GSE1: variants seen among roughly 807,000 people sequenced by gnomAD.
GSE1 encodes Gse1 coiled-coil protein, also known as genetic suppressor element 1.
In GSE1, 32 loss-of-function variants were observed where a neutral mutation model predicts 112.6. The ratio of observed to expected loss-of-function variants is 0.28; its 90% CI spans 0.21 to 0.38. The LOEUF (loss-of-function observed/expected upper bound fraction) is 0.38. Ranked by LOEUF, GSE1 falls within the 10% of genes least tolerant of loss-of-function variation. GSE1 has a pLI of 1.00. For missense variants in GSE1, 2,348 were observed against 1,699.2 expected (o/e 1.38, Z -6.71); for synonymous variants, 1,115 against 735.6 (o/e 1.52, Z -8.35).
chr16:85,264,645 A>G (rs1346336868), intron 1 of GSE1, among the ~76,000 whole-genome samples: 2 of 152,076 alleles, frequency 1.3e-5, no homozygotes, highest in Non-Finnish European at 2.9e-5. Context: ...CCCCCTGTGG[A>G]CGGCGTCGGG....
At position 85,424,747 on chromosome 16, in the gene GSE1, C is replaced by G. The variant is rs567229725; in HGVS notation, c.2464+67104C>G. On this transcript the variant is annotated intron_variant, in intron 2 of 2. Coordinates refer to the GSE1 transcript ENST00000637419. ...CGCGAGGGCTCCTCACGCCCCGAGT[C>G]GCCAGATGCTCTGCGCCATGGCACC... Among the ~76,000 whole-genome samples, 7 of 152,368 alleles carry G rather than the reference C, an allele frequency of 4.6e-5. No homozygotes were observed. In the South Asian group the frequency reaches 1.4e-3, roughly 32 times the overall value.
At chr16:85,232,920 G>T (rs1042838914) in intron 1 of GSE1, among the ~76,000 whole-genome samples, 9 of 152,266 alleles carry the variant, frequency 5.9e-5, no homozygotes, top group African/African-American at 1.9e-4. Context: ...CTCCAGGTGT[G>T]AGCGTGCAAA....
chr16:85,285,682 CA>C (rs36070534), intron 1 of GSE1: 8,756 of 69,772 alleles, frequency 0.13, 731 homozygotes, highest in African/African-American at 0.33. Context: ...AACTCTGTCT[CA>C]AAAAAAAAAA....
At chr16:85,395,919 C>T (rs756252676) in intron 2 of GSE1, among the ~76,000 whole-genome samples, 3 of 152,138 alleles carry the variant, frequency 2.0e-5, no homozygotes, top group Non-Finnish European at 4.4e-5. Context: ...GGAGTCCCGG[C>T]GGCCTGAGTC....
At chr16:85,172,720 C>T (rs1039153625) in intron 1 of GSE1, among the ~76,000 whole-genome samples, 1 of 152,192 alleles carries the variant, frequency 6.6e-6, no homozygotes, top group Non-Finnish European at 1.5e-5. Context: ...CAGCTGCTGG[C>T]CATGTGTGGG....
At chr16:85,229,089 G>A (rs1024154491) in intron 1 of GSE1, among the ~76,000 whole-genome samples, 1 of 152,238 alleles carries the variant, frequency 6.6e-6, no homozygotes, top group African/African-American at 2.4e-5. Flanking sequence ...GAGTTGTGGA[G>A]CACAGCCTGC....
intron 1 of GSE1, among the ~76,000 whole-genome samples, chr16:85,207,270 A>G (rs1434345666): frequency 7.9e-5 from 12 of 151,778 alleles, no homozygotes; most frequent in Non-Finnish European, 1.3e-4. Context: ...CTGGCCCCTC[A>G]CTCAGGCTCC....
intron 1 of GSE1, among the ~76,000 whole-genome samples, chr16:85,572,545 C>T (rs1405816169): frequency 2.7e-5 from 4 of 150,884 alleles, no homozygotes; most frequent in Admixed American, 2.0e-4. Context: ...CACGTGCACA[C>T]AACACACAAC....
exon 2 of GSE1, chr16:85,357,625 C>T (rs1378992774): frequency 1.6e-6 from 2 of 1,288,752 alleles, no homozygotes; most frequent in Non-Finnish European, 2.0e-6. Context: ...GGAGGACGGA[C>T]CAGACCTTAC....
chr16:85,390,471 T>C lies in GSE1; in HGVS notation c.2464+32828T>C, dbSNP rs61030331. 5.7e-3 allele frequency among the ~76,000 whole-genome samples: 870 copies of C among 152,216 alleles called. 10 individuals carry two copies. Among genetic ancestry groups the C allele is most frequent in the African/African-American group, 0.02 (827 of 41,526 alleles). ...CCTAATTCTAAGAGCTAGCTTCGTG[T>C]CCCTCCATATAACAATATGATGGGT... On this transcript the variant is annotated intron_variant, in intron 2 of 2. Coordinates refer to the GSE1 transcript ENST00000637419.
At chr16:85,538,128 G>A (rs1329820703) in intron 2 of GSE1, among the ~76,000 whole-genome samples, 2 of 152,254 alleles carry the variant, frequency 1.3e-5, no homozygotes, top group East Asian at 1.9e-4. Flanking sequence ...GGCCAGAAGG[G>A]GAGGGGAGAA....
chr16:85,404,013 C>A (rs1013765892), intron 2 of GSE1, among the ~76,000 whole-genome samples: 1 of 72,956 alleles, frequency 1.4e-5, no homozygotes, highest in South Asian at 4.9e-4. Flanking sequence ...CTCTCTGTGC[C>A]GTCCTTACGG....
In GSE1 at chr16:85,288,935, C is replaced by G. The variant is rs112677671; in HGVS notation, c.2284-68528C>G. 3.1e-3 allele frequency among the ~76,000 whole-genome samples: 477 copies of G among 152,298 alleles called. 5 individuals are homozygous for G. Among genetic ancestry groups the G allele is most frequent in the African/African-American group, 0.011 (452 of 41,564 alleles). The stretch of plus-strand genomic sequence containing the variant: ...TCTATGGGCCTGAGAAATGGTGTGC[C>G]TAGCACTAGGACACTGCAGGGAGGG... On this transcript the variant is annotated intron_variant, in intron 1 of 2. Transcript: ENST00000637419.
intron 7 of GSE1, 141 bp from the exon 8 acceptor site, chr16:85,657,136 T>G: frequency 1.7e-6 from 1 of 578,398 alleles, no homozygotes; most frequent in South Asian, 2.5e-5. Flanking sequence ...TAGGGCCCCT[T>G]CTGAATATCT....
chr16:85,316,357 T>C (rs2045985460), intron 1 of GSE1, among the ~76,000 whole-genome samples: 1 of 152,246 alleles, frequency 6.6e-6, no homozygotes, highest in African/African-American at 2.4e-5. Context: ...ATCCGGTGTG[T>C]CTGCTTATAG....
chr16:85,250,663 G>A (rs913486528), intron 1 of GSE1, among the ~76,000 whole-genome samples: 6 of 152,148 alleles, frequency 3.9e-5, no homozygotes, highest in African/African-American at 7.2e-5. Flanking sequence ...TATAACAGCC[G>A]TATTGAGATA....
intron 2 of GSE1, among the ~76,000 whole-genome samples, chr16:85,522,397 C>G (rs13336599): frequency 0.043 from 6,513 of 151,604 alleles, 287 homozygotes; most frequent in South Asian, 0.13. Flanking sequence ...CTCCCCAGCC[C>G]ATCCCTCCCC....
chr16:85,511,012 A>C (rs1372726003), intron 2 of GSE1, among the ~76,000 whole-genome samples: 1 of 152,204 alleles, frequency 6.6e-6, no homozygotes, highest in East Asian at 1.9e-4. Flanking sequence ...GCTCTTTAAT[A>C]GCACGTACCC....
Position 85,282,436 on chromosome 16 carries a change from T to A in GSE1, c.2284-75027T>A, listed in dbSNP as rs145587102. Among the ~76,000 whole-genome samples the A allele has an allele frequency of 6.0e-3, 916 of 152,324 alleles. 10 individuals carry two copies. Among genetic ancestry groups the A allele is most frequent in the Non-Finnish European group, 6.8e-3 (464 of 68,032 alleles). On this transcript the variant is annotated intron_variant, in intron 1 of 2. Coordinates refer to the GSE1 transcript ENST00000637419. The stretch of plus-strand genomic sequence containing the variant: ...CTCCTCCAGGTTTCTGAAAGTTGTT[T>A]TTTGCTGAAAGCCCGGTTCAGAGTT...
Sources: allele counts gnomAD v4.1 joint callset (sites outside exome capture counted in the v4.1 genomes callset), GRCh38; gene constraint gnomAD v4.1.1; transcripts MANE v1.5; gene names NCBI Gene and HGNC (gene_info 2026-07-23, HGNC 2026-07-21).